Variants in DPYD observed in about 807,000 individuals in gnomAD.
DPYD encodes the protein dihydropyrimidine dehydrogenase.
DPYD carries 109 observed loss-of-function variants against 116.2 expected under a neutral mutation model. The observed-to-expected ratio is 0.94, with a 90% CI of 0.80 to 1.10. The LOEUF is 1.10. Ranked by LOEUF, DPYD falls within the 50% of genes least tolerant of loss-of-function variation. The pLI is 0.00. For missense variants in DPYD, 1,302 were observed against 1,254.5 expected (o/e 1.04, Z -0.57); for synonymous variants, 440 against 432.0 (o/e 1.02, Z -0.23).
chr1:97,764,914 T>A (rs1190346621), intron 3 of DPYD, among the ~76,000 whole-genome samples: 1 of 152,190 alleles, frequency 6.6e-6, no homozygotes, highest in Admixed American at 6.6e-5. Context: ...AAGGAATAAA[T>A]CAATGAGATG....
chr1:97,628,731 G>C (rs1031236988), intron 8 of DPYD, among the ~76,000 whole-genome samples: 5 of 151,914 alleles, frequency 3.3e-5, no homozygotes, highest in Admixed American at 3.3e-4. Context: ...GTGGCTAGAA[G>C]AAAAATTCAG....
At chr1:97,892,973 A>G (rs987512004) in intron 1 of DPYD, among the ~76,000 whole-genome samples, 2 of 151,818 alleles carry the variant, frequency 1.3e-5, no homozygotes, top group Admixed American at 1.3e-4. Context: ...TAAAATGGTG[A>G]TTAGTAATAG....
At chr1:97,420,361 A>G (rs180702482) in intron 14 of DPYD, among the ~76,000 whole-genome samples, 2 of 152,284 alleles carry the variant, frequency 1.3e-5, no homozygotes, top group Non-Finnish European at 2.9e-5. Flanking sequence ...TGAAGATGAA[A>G]GAGTCTGTGT....
chr1:97,099,622 A>C (rs1650517528), intron 20 of DPYD, among the ~76,000 whole-genome samples: 1 of 152,080 alleles, frequency 6.6e-6, no homozygotes, highest in Non-Finnish European at 1.5e-5. Context: ...ATAAGACTGC[A>C]AAAATACCCT....
chr1:97,709,640 A>G (rs1220346698), intron 5 of DPYD, among the ~76,000 whole-genome samples: 1 of 151,830 alleles, frequency 6.6e-6, no homozygotes, highest in Non-Finnish European at 1.5e-5. Flanking sequence ...AAAGATTGCA[A>G]TGCAGAGAGG....
At chr1:97,508,766 G>A (rs1176650821) in intron 13 of DPYD, among the ~76,000 whole-genome samples, 1 of 151,860 alleles carries the variant, frequency 6.6e-6, no homozygotes, top group Non-Finnish European at 1.5e-5. Flanking sequence ...CTGACGTGGT[G>A]GATTTCAGTG....
At chr1:97,745,704 T>A (rs1664510093) in intron 3 of DPYD, among the ~76,000 whole-genome samples, 1 of 152,070 alleles carries the variant, frequency 6.6e-6, no homozygotes, top group African/African-American at 2.4e-5. Context: ...TTTATAAGAC[T>A]ACCTCTATCT....
chr1:97,627,675 T>C (rs1012343531), intron 8 of DPYD, among the ~76,000 whole-genome samples: 16 of 152,074 alleles, frequency 1.1e-4, no homozygotes, highest in African/African-American at 3.4e-4. Flanking sequence ...CCACCTTGCT[T>C]TTAATAGAAA....
Position 97,316,458 on chromosome 1 carries a change from G to A in DPYD, c.2059-10161C>T, listed in dbSNP as rs140815409. ...AAACCCAGGAGGTGGAGGCTGCAGT[G>A]AGCCGAGATTGCGTCACTGCATTCC... On this transcript the variant is annotated intron_variant, in intron 16 of 22. Coordinates refer to ENST00000370192, the MANE Select transcript of DPYD (RefSeq NM_000110.4). Among the ~76,000 whole-genome samples, 1,322 of 151,170 alleles carry A rather than the reference G, an allele frequency of 8.7e-3. 18 individuals carry two copies. The highest frequency in any genetic ancestry group is 0.029 in the African/African-American group (1,199 of 41,326).
In DPYD at chr1:97,720,317, C is replaced by A. The variant is rs564695201; in HGVS notation, c.483+1193G>T. 18 of 985,254 alleles carry A rather than the reference C, an allele frequency of 1.8e-5. No homozygotes were observed. The African/African-American group carries it at 2.8e-4, about 15-fold the overall frequency. 61.0% of individuals were successfully genotyped at this position (985,254 alleles called of 1,614,324 possible). A position where few individuals can be genotyped will look rare whatever the true frequency, so the allele number is the denominator to read the frequency against. ...CACTTACTGCATCTGTGAAAGCTTGCCCTGGTTTAATGAAGAGGCAATGGG... is the reference window on the plus strand; with the variant it reads ...CACTTACTGCATCTGTGAAAGCTTGACCTGGTTTAATGAAGAGGCAATGGG... On this transcript the variant is annotated intron_variant, in intron 5 of 22. Transcript: ENST00000370192.
At chr1:97,640,829 A>G (rs377434801) in intron 8 of DPYD, among the ~76,000 whole-genome samples, 2 of 152,276 alleles carry the variant, frequency 1.3e-5, no homozygotes, top group African/African-American at 4.8e-5. Flanking sequence ...ACTTCAATAG[A>G]AAAGTCACAG....
intron 14 of DPYD, among the ~76,000 whole-genome samples, chr1:97,446,994 A>G (rs549617040): frequency 6.6e-6 from 1 of 152,248 alleles, no homozygotes; most frequent in East Asian, 1.9e-4. Flanking sequence ...GTGTGAATGT[A>G]GGCTTTGGTA....
At chr1:97,321,820 A>G (rs1256960302) in intron 16 of DPYD, among the ~76,000 whole-genome samples, 1 of 53,118 alleles carries the variant, frequency 1.9e-5, no homozygotes, top group African/African-American at 5.5e-5. Context: ...AATAGCAAAG[A>G]CTTGGAACCA....
chr1:97,468,377 A>G (rs191104897), intron 13 of DPYD, among the ~76,000 whole-genome samples: 2 of 152,282 alleles, frequency 1.3e-5, no homozygotes, highest in Admixed American at 6.5e-5. Context: ...TAATTAGGTC[A>G]TGAGGGTGGG....
intron 18 of DPYD, among the ~76,000 whole-genome samples, chr1:97,268,151 A>G (rs917090394): frequency 6.6e-6 from 1 of 152,222 alleles, no homozygotes; most frequent in African/African-American, 2.4e-5. Flanking sequence ...TTTTGACTCT[A>G]TGTCCCACCT....
chr1:97,148,667 C>T (rs1294811621), intron 20 of DPYD, among the ~76,000 whole-genome samples: 1 of 152,092 alleles, frequency 6.6e-6, no homozygotes, highest in Non-Finnish European at 1.5e-5. Flanking sequence ...TATGGAATCC[C>T]TGGCAATATC....
At chr1:97,284,860 T>G (rs546054705) in intron 18 of DPYD, among the ~76,000 whole-genome samples, 2 of 152,200 alleles carry the variant, frequency 1.3e-5, no homozygotes, top group African/African-American at 4.8e-5. Flanking sequence ...TGTATTTTAT[T>G]TGTGCTGCTG....
At chr1:97,827,876 C>T (rs1669316619) in intron 3 of DPYD, among the ~76,000 whole-genome samples, 1 of 152,064 alleles carries the variant, frequency 6.6e-6, no homozygotes, top group East Asian at 1.9e-4. Flanking sequence ...AACAAGACAC[C>T]CCTTAAGCAT....
chr1:97,091,762 T>C (rs1462160407), intron 21 of DPYD, among the ~76,000 whole-genome samples: 1 of 152,194 alleles, frequency 6.6e-6, no homozygotes. Flanking sequence ...TTATCCAGTA[T>C]ATATTTTCCC....
Sources: gnomAD v4.1 joint callset for allele counts (sites outside exome capture counted in the v4.1 genomes callset) on GRCh38, gnomAD v4.1.1 for gene constraint, MANE v1.5 for transcripts, NCBI Gene and HGNC (gene_info 2026-07-23, HGNC 2026-07-21) for gene names.